SS18: variants seen among roughly 807,000 people sequenced by gnomAD.
SS18 encodes the protein SS18 subunit of BAF chromatin remodeling complex.
In SS18, 28 loss-of-function variants were observed where a neutral mutation model predicts 72.5. That is an observed-to-expected ratio of 0.39 (90% CI 0.29 to 0.53). The LOEUF is 0.53. SS18 is among the 20% of genes least tolerant of loss of function. The pLI is 0.76. For missense variants in SS18, 518 were observed against 535.3 expected (o/e 0.97, Z 0.32); for synonymous variants, 172 against 164.2 (o/e 1.05, Z -0.37).
At chr18:26,053,430 CCTT>C (rs2053958222) in intron 4 of SS18, among the ~76,000 whole-genome samples, 1 of 151,142 alleles carries the variant, frequency 6.6e-6, no homozygotes, top group Non-Finnish European at 1.5e-5. Flanking sequence ...AATGGAAGGA[CCTT>C]CTTAAGTATG....
chr18:26,028,904 A>C (rs1333988026), intron 10 of SS18, among the ~76,000 whole-genome samples: 3 of 152,228 alleles, frequency 2.0e-5, no homozygotes, highest in Non-Finnish European at 4.4e-5. Context: ...ATGCAGTTTA[A>C]TGGTATATAA....
chr18:26,051,400 AT>A (rs903160836), intron 5 of SS18, among the ~76,000 whole-genome samples: 1 of 152,182 alleles, frequency 6.6e-6, no homozygotes, highest in Admixed American at 6.5e-5. Context: ...TATATGCATT[AT>A]TTTTTTCTTC....
At chr18:26,031,037 G>A (rs1330119304) in intron 10 of SS18, among the ~76,000 whole-genome samples, 2 of 152,120 alleles carry the variant, frequency 1.3e-5, no homozygotes, top group Non-Finnish European at 2.9e-5. Context: ...TCAAACACAT[G>A]GAGAATAAAT....
chr18:26,059,322 CAG>C (rs961897971), intron 3 of SS18, among the ~76,000 whole-genome samples: 3 of 151,992 alleles, frequency 2.0e-5, no homozygotes, highest in African/African-American at 7.3e-5. Context: ...TGCTGAGTAA[CAG>C]GGAAATACAG....
chr18:26,065,617 C>A (rs2054198157), intron 3 of SS18, among the ~76,000 whole-genome samples: 1 of 151,344 alleles, frequency 6.6e-6, no homozygotes, highest in Non-Finnish European at 1.5e-5. Flanking sequence ...GAAAATATTT[C>A]TTTAACAGGA....
intron 1 of SS18, 138 bp from the exon 2 acceptor site, chr18:26,087,715 G>A (rs1051165524): frequency 1.2e-5 from 6 of 487,314 alleles, no homozygotes; most frequent in African/African-American, 8.0e-5. Flanking sequence ...ACAAAATACT[G>A]TCCCCTGCAA....
intron 2 of SS18, 108 bp downstream of exon 2, chr18:26,087,393 G>C: frequency 1.5e-6 from 1 of 676,940 alleles, no homozygotes; most frequent in East Asian, 2.7e-5. Flanking sequence ...ATTAAAATAG[G>C]TGAATTGTAT....
intron 3 of SS18, among the ~76,000 whole-genome samples, chr18:26,075,606 A>G (rs2054398067): frequency 6.6e-6 from 1 of 151,946 alleles, no homozygotes; most frequent in African/African-American, 2.4e-5. Flanking sequence ...GTTATCTATG[A>G]AACACTACAG....
chr18:26,037,773 T>C (rs1238328646), intron 7 of SS18, among the ~76,000 whole-genome samples: 1 of 152,116 alleles, frequency 6.6e-6, no homozygotes, highest in Non-Finnish European at 1.5e-5. Flanking sequence ...TTGTAATGTA[T>C]TTCTGAATTA....
At chr18:26,089,239 G>A (rs1009190928) in intron 1 of SS18, among the ~76,000 whole-genome samples, 1 of 152,098 alleles carries the variant, frequency 6.6e-6, no homozygotes, top group African/African-American at 2.4e-5. Flanking sequence ...AAAAACTCTG[G>A]ACTTTTCCTG....
chr18:26,030,653 T>G (rs2053527743), intron 10 of SS18, among the ~76,000 whole-genome samples: 4 of 152,318 alleles, frequency 2.6e-5, no homozygotes. Flanking sequence ...ATGATCAGTT[T>G]AGTCTACAAC....
At chr18:26,086,485 A>C (rs909706925) in intron 2 of SS18, among the ~76,000 whole-genome samples, 4 of 152,228 alleles carry the variant, frequency 2.6e-5, no homozygotes, top group African/African-American at 9.6e-5. Flanking sequence ...CTATTTTGGA[A>C]ATAATAGGTT....
chr18:26,072,371 A>T (rs2054326358), intron 3 of SS18, among the ~76,000 whole-genome samples: 1 of 145,562 alleles, frequency 6.9e-6, no homozygotes, highest in Admixed American at 6.8e-5. Flanking sequence ...AAAAAAAAAA[A>T]TCTACATCCT....
At chr18:26,045,428 T>C (rs1839653714) in intron 5 of SS18, among the ~76,000 whole-genome samples, 5 of 152,180 alleles carry the variant, frequency 3.3e-5, no homozygotes, top group Admixed American at 3.3e-4. Context: ...CCAAGTATGC[T>C]CCAGTGCATA....
intron 10 of SS18, among the ~76,000 whole-genome samples, chr18:26,030,461 T>C (rs915988972): frequency 6.6e-6 from 1 of 151,838 alleles, no homozygotes; most frequent in Non-Finnish European, 1.5e-5. Context: ...TATCATATGT[T>C]TACCCACCTG....
intron 1 of SS18, chr18:26,089,708 C>T (rs894150312): frequency 6.6e-6 from 1 of 152,260 alleles, no homozygotes; most frequent in Admixed American, 6.5e-5. Context: ...ACTGCAGCAG[C>T]TCTATCCTTT....
intron 6 of SS18, 97 bp downstream of exon 6, chr18:26,039,192 A>G (rs1205652260): frequency 8.3e-6 from 8 of 959,486 alleles, no homozygotes; most frequent in African/African-American, 3.7e-5. Flanking sequence ...AAAAAAAAAA[A>G]AAAGAAAACG....
intron 10 of SS18, chr18:26,023,499 A>G: frequency 2.4e-6 from 1 of 413,836 alleles, no homozygotes; most frequent in Non-Finnish European, 4.5e-6. Context: ...AAACAGAGAA[A>G]AAAGACATAT....
intron 3 of SS18, among the ~76,000 whole-genome samples, chr18:26,070,202 T>G (rs1016324141): frequency 1.3e-5 from 2 of 152,212 alleles, no homozygotes; most frequent in Non-Finnish European, 2.9e-5. Context: ...ATGTCAATAG[T>G]TTGTTGTTTC....
Sources: allele counts gnomAD v4.1 joint callset (sites outside exome capture counted in the v4.1 genomes callset), GRCh38; gene constraint gnomAD v4.1.1; transcripts MANE v1.5; gene names NCBI Gene and HGNC (gene_info 2026-07-23, HGNC 2026-07-21).